KCNK10: variants seen among roughly 807,000 people sequenced by gnomAD.
KCNK10 encodes potassium two pore domain channel subfamily K member 10, also known as potassium channel subfamily K member 10.
KCNK10 carries 25 observed loss-of-function variants against 47.7 expected under a neutral mutation model. The ratio of observed to expected loss-of-function variants is 0.52; its 90% CI spans 0.38 to 0.73. KCNK10 has a LOEUF of 0.73. Ranked by LOEUF, KCNK10 falls within the 30% of genes least tolerant of loss-of-function variation. KCNK10 has a pLI of 0.00. For synonymous variants in KCNK10, 303 were observed against 285.6 expected (o/e 1.06, Z -0.61); for missense variants, 563 against 714.5 (o/e 0.79, Z 2.42).
In KCNK10 at chr14:88,185,329, G is replaced by A. The variant is rs1188130707; in HGVS notation, c.*206C>T. 3.0e-5 allele frequency: 21 copies of A among 705,800 alleles called. No individual in the cohort carries two copies. Among genetic ancestry groups the A allele is most frequent in the East Asian group, 1.2e-4 (4 of 33,952 alleles). The allele number at this position is 705,800 out of a possible 1,614,324, so 43.7% of individuals were successfully genotyped here. A position where few individuals can be genotyped will look rare whatever the true frequency, so the allele number is the denominator to read the frequency against. On this transcript the variant is annotated 3_prime_UTR_variant, in exon 7 of 7. Transcript: ENST00000319231. This position sits in a 1 kb window ranked among gnomAD's most constrained non-coding sequence, Gnocchi z 4.3. Reference sequence around the variant, plus strand: ...CACGGACACTCTTGGTGTGTCCTGCGTTTGCTATCTGAAATGAAGTTCTTG... The same window carrying A: ...CACGGACACTCTTGGTGTGTCCTGCATTTGCTATCTGAAATGAAGTTCTTG...
chr14:88,185,244 C>A lies in KCNK10; in HGVS notation c.*291G>T. 1 of 371,258 alleles carries A rather than the reference C, an allele frequency of 2.7e-6. No individual in the cohort carries two copies. The highest frequency in any genetic ancestry group is 4.9e-6 in the Non-Finnish European group (1 of 202,756). 23.0% of individuals were successfully genotyped at this position (371,258 alleles called of 1,614,324 possible). A position where few individuals can be genotyped will look rare whatever the true frequency, so the allele number is the denominator to read the frequency against. On this transcript the variant is annotated 3_prime_UTR_variant, in exon 7 of 7. Coordinates refer to ENST00000319231, the MANE Select transcript of KCNK10 (RefSeq NM_138317.3). The surrounding 1 kb of genome is among the most constrained non-coding windows in gnomAD (Gnocchi z 4.3). ...ACGTGTGTGCCCAGGTAGCACTGCC[C>A]AGGGGTACAGCACTGCCACTGAAAT...
chr14:88,256,416 A>G (rs1886956444), intron 2 of KCNK10, among the ~76,000 whole-genome samples: 1 of 152,164 alleles, frequency 6.6e-6, no homozygotes, highest in South Asian at 2.1e-4. Flanking sequence ...CCAGAGAAGC[A>G]GCGGGGAGAG....
chr14:88,270,901 C>G, intron 1 of KCNK10: 1 of 760,548 alleles, frequency 1.3e-6, no homozygotes, highest in East Asian at 2.4e-5. Context: ...AGTGCAGGCT[C>G]CATGCCTTGC....
chr14:88,281,988 A>T (rs566976643), intron 1 of KCNK10, among the ~76,000 whole-genome samples: 1 of 151,908 alleles, frequency 6.6e-6, no homozygotes, highest in African/African-American at 2.4e-5. Flanking sequence ...CATCATCCCC[A>T]ACACCTTCCC....
chr14:88,230,474 T>G (rs1207110148), intron 3 of KCNK10, among the ~76,000 whole-genome samples: 1 of 152,252 alleles, frequency 6.6e-6, no homozygotes, highest in Non-Finnish European at 1.5e-5. Context: ...AAAGAGGACT[T>G]GTGCCTGAGG....
intron 4 of KCNK10, among the ~76,000 whole-genome samples, chr14:88,210,291 T>C (rs1885412148): frequency 6.6e-6 from 1 of 152,182 alleles, no homozygotes; most frequent in Non-Finnish European, 1.5e-5. Context: ...CTGCACAATA[T>C]TATGGACACT....
chr14:88,323,877 C>T (rs1308320970), upstream of KCNK10, among the ~76,000 whole-genome samples: 4 of 152,186 alleles, frequency 2.6e-5, no homozygotes, highest in Non-Finnish European at 5.9e-5. Flanking sequence ...GTCTGGCTCT[C>T]TCGCCTGAGT....
At chr14:88,224,229 T>C (rs572670978) in intron 4 of KCNK10, among the ~76,000 whole-genome samples, 1 of 152,184 alleles carries the variant, frequency 6.6e-6, no homozygotes, top group Non-Finnish European at 1.5e-5. Flanking sequence ...AGTCATATGT[T>C]ACACAGCAAT....
At chr14:88,263,054 C>G (rs1158819033) in intron 2 of KCNK10, 148 bp downstream of exon 2, 1 of 635,204 alleles carries the variant, frequency 1.6e-6, no homozygotes, top group Non-Finnish European at 2.7e-6. Flanking sequence ...TCTTGGAGGT[C>G]TCAGCTCACA....
At chr14:88,261,253 G>A (rs192530452) in intron 2 of KCNK10, among the ~76,000 whole-genome samples, 116 of 152,120 alleles carry the variant, frequency 7.6e-4, no homozygotes, top group Admixed American at 1.0e-3. Flanking sequence ...ACTTCAGAAC[G>A]CCTATCAGGT....
chr14:88,231,958 C>T (rs1410338871), intron 3 of KCNK10, among the ~76,000 whole-genome samples: 1 of 152,152 alleles, frequency 6.6e-6, no homozygotes, highest in Non-Finnish European at 1.5e-5. Context: ...CACATTCTAC[C>T]TAATAAACAC....
At chr14:88,325,745 G>A (rs117498305), upstream of KCNK10, among the ~76,000 whole-genome samples, 7 of 152,314 alleles carry the variant, frequency 4.6e-5, no homozygotes, top group East Asian at 1.2e-3. Context: ...CTGCATTGGG[G>A]AATTAGTTCA....
upstream of KCNK10, chr14:88,326,403 G>A (rs1888663314): frequency 6.2e-7 from 1 of 1,609,880 alleles, no homozygotes; most frequent in Non-Finnish European, 8.5e-7. Flanking sequence ...TTATTTACAA[G>A]CTGGACTTCA....
chr14:88,232,466 G>T (rs1209964449), intron 3 of KCNK10, among the ~76,000 whole-genome samples: 6 of 152,108 alleles, frequency 3.9e-5, no homozygotes, highest in Non-Finnish European at 8.8e-5. Flanking sequence ...TGCAACAAAT[G>T]AATTTACCAC....
chr14:88,233,140 A>G (rs773443938), intron 3 of KCNK10, among the ~76,000 whole-genome samples: 1 of 152,192 alleles, frequency 6.6e-6, no homozygotes, highest in Non-Finnish European at 1.5e-5. Flanking sequence ...TTAAACAACG[A>G]AAGAAAATAT....
intron 1 of KCNK10, among the ~76,000 whole-genome samples, chr14:88,313,519 T>C (rs1433819188): frequency 1.3e-5 from 2 of 152,216 alleles, no homozygotes; most frequent in Middle Eastern, 3.2e-3. Context: ...CCATGTCACA[T>C]ATGAGTACAC....
intron 4 of KCNK10, among the ~76,000 whole-genome samples, chr14:88,196,474 A>G (rs1208881499): frequency 6.6e-6 from 1 of 152,196 alleles, no homozygotes; most frequent in East Asian, 1.9e-4. Flanking sequence ...GAGAGCATGT[A>G]TATTTCCATT....
intron 4 of KCNK10, among the ~76,000 whole-genome samples, chr14:88,207,168 CTTT>C (rs55711197): frequency 1.5e-4 from 16 of 107,748 alleles, no homozygotes; most frequent in African/African-American, 3.8e-4. Context: ...AGGTCACTCT[CTTT>C]TTTTTTTTTT....
chr14:88,230,593 T>A (rs141900423), intron 3 of KCNK10, among the ~76,000 whole-genome samples: 252 of 152,308 alleles, frequency 1.7e-3, no homozygotes, highest in African/African-American at 5.8e-3. Context: ...TTTCTTATTA[T>A]GGTCACCAGT....
Sources: allele counts gnomAD v4.1 joint callset (sites outside exome capture counted in the v4.1 genomes callset), GRCh38; gene constraint gnomAD v4.1.1; non-coding constraint Gnocchi (gnomAD v3.1); transcripts MANE v1.5; gene names NCBI Gene and HGNC (gene_info 2026-07-23, HGNC 2026-07-21).